Variants in TEX15 observed in about 807,000 individuals in gnomAD.
TEX15 encodes testis expressed 15, meiosis and synapsis associated.
Under a neutral mutation model 237.3 loss-of-function variants are expected in TEX15, and 171 were observed. The observed-to-expected ratio is 0.72, with a 90% CI of 0.64 to 0.82. The LOEUF is 0.82. Ranked by LOEUF, TEX15 falls within the 40% of genes least tolerant of loss-of-function variation. The pLI is 0.00. For missense variants in TEX15, 3,750 were observed against 3,646.5 expected, an observed-to-expected ratio of 1.03 and a Z score of -0.73; for synonymous variants, 1,338 against 1,269.8, an observed-to-expected ratio of 1.05 and a Z score of -1.14.
intron 5 of TEX15, among the ~76,000 whole-genome samples, chr8:30,862,170 T>A (rs1164922179): frequency 1.3e-5 from 2 of 152,146 alleles, no homozygotes; most frequent in African/African-American, 4.8e-5. Flanking sequence ...ATAAACCAAT[T>A]AATTCTTAGC....
intron 5 of TEX15, among the ~76,000 whole-genome samples, chr8:30,864,175 C>T (rs1381695441): frequency 2.0e-5 from 3 of 151,546 alleles, no homozygotes; most frequent in African/African-American, 7.3e-5. Flanking sequence ...AAATGAACAG[C>T]TCTCTAGAGG....
chr8:30,890,789 C>T (rs1344616629), intron 2 of TEX15, among the ~76,000 whole-genome samples: 1 of 152,000 alleles, frequency 6.6e-6, no homozygotes, highest in Non-Finnish European at 1.5e-5. Flanking sequence ...TCAAACCTAA[C>T]CTTTGAAAAC....
At position 30,844,545 on chromosome 8, in the gene TEX15, A is replaced by AT; in HGVS notation, c.5621dup (p.Asn1874LysfsTer14). 1 of 1,612,174 alleles carries AT rather than the reference A, an allele frequency of 6.2e-7. No individual in the cohort carries two copies. Among genetic ancestry groups the AT allele is most frequent in the Non-Finnish European group, 8.5e-7 (1 of 1,179,326 alleles). On this transcript the variant is annotated frameshift_variant, in exon 8 of 11. Coordinates refer to ENST00000643185, the MANE Select transcript of TEX15 (RefSeq NM_001350162.2). LOFTEE classifies it high-confidence loss of function. Reference sequence around the variant, plus strand: ...ATTCTTCTGAGATCTGATTCTTTTGATTTTTGTACTCAGTATTAACAGTTG... The same window carrying AT: ...ATTCTTCTGAGATCTGATTCTTTTGATTTTTTGTACTCAGTATTAACAGTTG...
intron 3 of TEX15, among the ~76,000 whole-genome samples, chr8:30,876,875 C>A (rs183395781): frequency 6.6e-6 from 1 of 152,168 alleles, no homozygotes; most frequent in South Asian, 2.1e-4. Flanking sequence ...ATCATGGGGG[C>A]AGTTACCCCA....
rs376701351 is a variant in TEX15, at chr8:30,837,946, A to G, written c.8338T>C (p.Ser2780Pro). Reference protein sequence around the residue: ...KVEMQRSLPGSLLPLENPKDT... With the variant: ...KVEMQRSLPGPLLPLENPKDT... ...TTTGGGTTCTCTAAGGGTAAAAGTG[A>G]GCCAGGTAGTGATCTTTGCATTTCA... is the stretch of plus-strand genomic sequence containing the variant. Residue 2780 changes from serine (S) to proline (P), a missense_variant, in exon 10 of 11, where the codon TCA becomes CCA. Transcript: ENST00000643185. 6.2e-7 allele frequency: 1 copy of G among 1,614,162 alleles called. No individual in the cohort carries two copies. Among genetic ancestry groups the G allele is most frequent in the African/African-American group, 1.3e-5 (1 of 75,048 alleles).
intron 1 of TEX15, among the ~76,000 whole-genome samples, chr8:30,906,594 G>GAA (rs34052778): frequency 5.2e-5 from 5 of 96,194 alleles, no homozygotes; most frequent in Non-Finnish European, 5.1e-5. Context: ...CATCTCAAAA[G>GAA]AAAAAAAAAA....
At position 30,848,636 on chromosome 8, in the gene TEX15, G is replaced by A. The variant is rs371886824; in HGVS notation, c.1531C>T (p.His511Tyr). ...TCATAGTCCTCAGAGCCCATGTTGT[G>A]AGCCCAAGATTGTGAATCATTAACA... ...TSVNDSQSWA[H>Y]NMGSEDYDCI... Residue 511 changes from histidine to tyrosine, a missense_variant, in exon 8 of 11, where the codon CAC becomes TAC. Coordinates refer to ENST00000643185, the MANE Select transcript of TEX15 (RefSeq NM_001350162.2). The A allele has an allele frequency of 1.2e-6, 2 of 1,614,130 alleles. No individual in the cohort carries two copies. Among genetic ancestry groups the A allele is most frequent in the Non-Finnish European group, 8.5e-7 (1 of 1,180,028 alleles).
Position 30,846,086 on chromosome 8 carries a change from G to A in TEX15, c.4081C>T (p.Leu1361=), listed in dbSNP as rs1376862432. The part of the protein sequence containing the change: ...SQSEKHIKSV[L]NILSDEASLC... ...GATGCTTCATCACTTAGGATATTTA[G>A]GACACTCTTAATGTGCTTTTCTGAC... The change falls in exon 8 of 11, where the codon CTA becomes TTA. Residue 1361 remains leucine (L), a synonymous_variant. Coordinates refer to ENST00000643185, the MANE Select transcript of TEX15 (RefSeq NM_001350162.2). The A allele has an allele frequency of 1.9e-6, 3 of 1,613,184 alleles. No homozygotes were observed. The highest frequency in any genetic ancestry group is 1.7e-5 in the Admixed American group (1 of 59,958).
intron 3 of TEX15, among the ~76,000 whole-genome samples, chr8:30,878,058 G>T (rs1808436946): frequency 7.0e-6 from 1 of 142,522 alleles, no homozygotes; most frequent in Admixed American, 7.0e-5. Context: ...TAGAATATTT[G>T]TAAATGAAAT....
rs200069755 is a variant in TEX15, at chr8:30,833,327, G to C, written c.9482-4C>G. 18 of 1,590,812 alleles carry C rather than the reference G, an allele frequency of 1.1e-5. No homozygotes were observed. The Admixed American group carries it at 1.2e-4, about 11-fold the overall frequency. ...AAGGATTCTTGGTGCCATGGAGCTG[G>C]AAGAAAAAACACCACAAAGATTTAA... On this transcript the variant is annotated splice_region_variant and splice_polypyrimidine_tract_variant and intron_variant, in intron 10 of 10. Transcript: ENST00000643185.
intron 9 of TEX15, among the ~76,000 whole-genome samples, chr8:30,838,517 C>T (rs1046963529): frequency 4.6e-5 from 7 of 151,690 alleles, no homozygotes; most frequent in Non-Finnish European, 8.8e-5. Flanking sequence ...CAGACTAATA[C>T]GTTTTTGTCT....
intron 7 of TEX15, among the ~76,000 whole-genome samples, 161 bp from the exon 8 acceptor site, chr8:30,849,477 T>G (rs1807719530): frequency 6.6e-6 from 1 of 152,166 alleles, no homozygotes; most frequent in Admixed American, 6.6e-5. Context: ...GAGAAGGGGA[T>G]GATTAACAAA....
In TEX15 at chr8:30,847,096, T is replaced by C. The variant is rs182350220; in HGVS notation, c.3071A>G (p.His1024Arg). The C allele has an allele frequency of 8.1e-5, 131 of 1,613,658 alleles. No individual in the cohort carries two copies. The highest frequency in any genetic ancestry group is 4.9e-4 in the Middle Eastern group (3 of 6,062). The change falls in exon 8 of 11, where the codon CAT becomes CGT. Residue 1024 changes from histidine (H) to arginine (R), a missense_variant. His to Arg is a conservative substitution (Grantham distance 29, BLOSUM62 0). Transcript: ENST00000643185. ...ATCAATTTCACAATCAGAAACCCTATGTTTTACTAACAAACCAAAATCTGG... is the reference window on the plus strand; with the variant it reads ...ATCAATTTCACAATCAGAAACCCTACGTTTTACTAACAAACCAAAATCTGG... The part of the protein sequence containing the change: ...ESPDFGLLVK[H>R]RVSDCEIDTD...
At chr8:30,897,188 T>C (rs1446798342) in intron 2 of TEX15, among the ~76,000 whole-genome samples, 1 of 152,258 alleles carries the variant, frequency 6.6e-6, no homozygotes, top group Non-Finnish European at 1.5e-5. Context: ...ACTAGATGTC[T>C]GCTCCTAAGC....
At chr8:30,904,974 T>C (rs1173717989) in intron 1 of TEX15, among the ~76,000 whole-genome samples, 2 of 152,214 alleles carry the variant, frequency 1.3e-5, no homozygotes, top group Non-Finnish European at 2.9e-5. Context: ...TACATCTTTC[T>C]CATGAAAGAG....
intron 3 of TEX15, among the ~76,000 whole-genome samples, chr8:30,879,366 T>C (rs1195406583): frequency 6.6e-6 from 1 of 152,254 alleles, no homozygotes; most frequent in African/African-American, 2.4e-5. Flanking sequence ...GCTGAGATCC[T>C]GAAGATGTTC....
rs1224569360 is a variant in TEX15 at position 30,910,158 on chromosome 8, C to T, written c.-86+2721G>A. On this transcript the variant is annotated intron_variant, in intron 1 of 10. Coordinates refer to ENST00000643185, the MANE Select transcript of TEX15 (RefSeq NM_001350162.2). ...AATTTTGTAATCCAGTACAGTATAT[C>T]ATCCTTCGGTACAATAAAAAAAAAA... Among the ~76,000 whole-genome samples the T allele has an allele frequency of 2.6e-5, 4 of 151,614 alleles. No individual in the cohort carries two copies. The East Asian group carries it at 7.7e-4, about 29-fold the overall frequency.
At chr8:30,895,053 T>C (rs1808870367) in intron 2 of TEX15, among the ~76,000 whole-genome samples, 2 of 152,182 alleles carry the variant, frequency 1.3e-5, no homozygotes, top group South Asian at 2.1e-4. Flanking sequence ...CAGTTTATGG[T>C]ATTTTGTTAC....
chr8:30,895,676 C>CTTTTTTTTGTTTTTTTTTT (rs1808889278), intron 2 of TEX15, among the ~76,000 whole-genome samples: 1 of 60,060 alleles, frequency 1.7e-5, no homozygotes, highest in Non-Finnish European at 2.7e-5. Context: ...TAAACACATG[C>CTTTTTTTTGTTTTTTTTTT]TTTTTTTTTT....
Sources: allele counts gnomAD v4.1 joint callset (sites outside exome capture counted in the v4.1 genomes callset), GRCh38; gene constraint gnomAD v4.1.1; transcripts MANE v1.5; gene names NCBI Gene and HGNC (gene_info 2026-07-23, HGNC 2026-07-21).